The following REV3L variants were observed in gnomAD, a reference collection of about 807,000 sequenced individuals.
REV3L encodes the protein REV3 like, DNA directed polymerase zeta catalytic subunit.
REV3L carries 69 observed loss-of-function variants against 299.4 expected under a neutral mutation model. The ratio of observed to expected loss-of-function variants is 0.23; its 90% CI spans 0.19 to 0.28. REV3L has a LOEUF of 0.28. REV3L is among the 10% of genes least tolerant of loss of function. The probability of loss-of-function intolerance (pLI) is 1.00; values close to 1 mark genes in which losing one functional copy is unlikely to be tolerated. For missense variants in REV3L, 3,128 were observed against 3,693.8 expected (o/e 0.85, Z 3.97); for synonymous variants, 1,238 against 1,271.4 (o/e 0.97, Z 0.56).
intron 21 of REV3L, 110 bp from the exon 22 acceptor site, chr6:111,335,720 G>C: frequency 2.7e-6 from 3 of 1,106,624 alleles, no homozygotes; most frequent in Non-Finnish European, 3.8e-6. Flanking sequence ...GTTACTTAAG[G>C]AAAGAGTAAT....
chr6:111,452,259 C>T (rs1425069755), intron 1 of REV3L, among the ~76,000 whole-genome samples: 1 of 152,086 alleles, frequency 6.6e-6, no homozygotes, highest in African/African-American at 2.4e-5. Flanking sequence ...GTTGCTGGAG[C>T]TAATGCAAAA....
At chr6:111,483,321 G>A (rs1472417553), upstream of REV3L, 1 of 485,030 alleles carries the variant, frequency 2.1e-6, no homozygotes, top group Non-Finnish European at 3.6e-6. Context: ...GCGAGAGGGC[G>A]GGCGCCCGGG....
intron 1 of REV3L, among the ~76,000 whole-genome samples, chr6:111,451,255 T>C (rs1440859921): frequency 6.6e-6 from 1 of 152,196 alleles, no homozygotes; most frequent in Non-Finnish European, 1.5e-5. Flanking sequence ...TAGTCCAACA[T>C]ATTTCAAGTT....
intron 1 of REV3L, among the ~76,000 whole-genome samples, chr6:111,428,113 A>C (rs1562296487): frequency 6.6e-6 from 1 of 152,198 alleles, no homozygotes; most frequent in Non-Finnish European, 1.5e-5. Flanking sequence ...CAGATAGAGA[A>C]GACTAGAATA....
At chr6:111,304,360 T>C (rs1047869393) in intron 31 of REV3L, among the ~76,000 whole-genome samples, 1 of 149,244 alleles carries the variant, frequency 6.7e-6, no homozygotes, top group Non-Finnish European at 1.5e-5. Flanking sequence ...GTCTGACTTA[T>C]AATGTTTACA....
chr6:111,430,764 C>T (rs879165374), intron 1 of REV3L: 6 of 1,596,742 alleles, frequency 3.8e-6, no homozygotes, highest in Admixed American at 1.7e-5. Flanking sequence ...TTAGAGAGAG[C>T]GCAGGAGCAG....
chr6:111,355,649 A>C (rs767206435), intron 18 of REV3L, among the ~76,000 whole-genome samples: 1 of 152,152 alleles, frequency 6.6e-6, no homozygotes, highest in Admixed American at 6.5e-5. Context: ...TTGGCAGGTA[A>C]TCCTATCATT....
intron 1 of REV3L, among the ~76,000 whole-genome samples, chr6:111,466,044 T>C (rs1407364129): frequency 1.3e-5 from 2 of 152,228 alleles, no homozygotes; most frequent in Non-Finnish European, 2.9e-5. Context: ...ACTTAGCATT[T>C]AGAAACTCTT....
chr6:111,359,612 T>A (rs1296645380), intron 16 of REV3L, among the ~76,000 whole-genome samples: 2 of 151,280 alleles, frequency 1.3e-5, no homozygotes, highest in Non-Finnish European at 2.9e-5. Context: ...TAACATATAA[T>A]GCAAAAAAGT....
intron 1 of REV3L, among the ~76,000 whole-genome samples, chr6:111,465,925 G>C (rs1451051172): frequency 1.3e-5 from 2 of 152,048 alleles, no homozygotes; most frequent in East Asian, 3.9e-4. Flanking sequence ...TTTAAGAAAT[G>C]AATTAGTCTT....
intron 1 of REV3L, among the ~76,000 whole-genome samples, chr6:111,460,665 C>T (rs533969906): frequency 2.2e-4 from 33 of 147,928 alleles, no homozygotes; most frequent in Middle Eastern, 7.3e-3. Flanking sequence ...AGACAGAAAA[C>T]TTGGATCTAC....
chr6:111,435,489 C>G (rs971971910), intron 1 of REV3L, among the ~76,000 whole-genome samples: 1 of 152,074 alleles, frequency 6.6e-6, no homozygotes, highest in Non-Finnish European at 1.5e-5. Flanking sequence ...GAACAGAGAA[C>G]CTACATATAA....
At chr6:111,378,969 GAGC>G (rs1780569420) in intron 11 of REV3L, among the ~76,000 whole-genome samples, 1 of 152,144 alleles carries the variant, frequency 6.6e-6, no homozygotes, top group East Asian at 1.9e-4. Flanking sequence ...CCAATATAAA[GAGC>G]AGAATTAACT....
rs1318252110 is a variant in REV3L at position 111,375,086 on chromosome 6, G to T, written c.3269C>A (p.Pro1090Gln). The change falls in exon 13 of 32, where the codon CCA becomes CAA. Residue 1090 changes from proline (P) to glutamine (Q), a missense_variant. By Grantham distance (76) the Pro-to-Gln change is moderately conservative. Around this residue, in one of 9 missense-constraint regions of REV3L, gnomAD observed 2,409 missense variants for 2,611.8 expected, o/e 0.92. Transcript: ENST00000368802. ...ATCTTCGGTTTCAGCATTGTAAGATGGTGAGGGAGGAGAAAGAATAGCATG... is the reference window on the plus strand; with the variant it reads ...ATCTTCGGTTTCAGCATTGTAAGATTGTGAGGGAGGAGAAAGAATAGCATG... Reference protein sequence around the residue: ...RSHAILSPPSPSYNAETEDCD... With the variant: ...RSHAILSPPSQSYNAETEDCD... 1 of 1,613,802 alleles carries T rather than the reference G, an allele frequency of 6.2e-7. No homozygotes were observed. The highest frequency in any genetic ancestry group is 1.7e-5 in the Admixed American group (1 of 59,976).
rs1780228428 is a variant in REV3L, at chr6:111,375,654, C to T, written c.2701G>A (p.Asp901Asn). ...TDGFIDCHFG[D>N]GTLETEQSFG... The stretch of plus-strand genomic sequence containing the variant: ...GACTGCTCAGTTTCTAACGTTCCAT[C>T]TCCAAAGTGACAGTCTATAAAACCA... Residue 901 changes from aspartate to asparagine, a missense_variant, in exon 13 of 32, where the codon GAT becomes AAT. Asp to Asn is a conservative substitution (Grantham distance 23). This residue lies in a region of REV3L where 2,409 missense variants were observed against 2,611.8 expected (regional missense o/e 0.92). Coordinates refer to ENST00000368802, the MANE Select transcript of REV3L (RefSeq NM_001372078.1). 1 of 1,613,984 alleles carries T rather than the reference C, an allele frequency of 6.2e-7. No individual in the cohort carries two copies. Among genetic ancestry groups the T allele is most frequent in the Non-Finnish European group, 8.5e-7 (1 of 1,179,928 alleles).
At chr6:111,463,733 A>G (rs1320986094) in intron 1 of REV3L, among the ~76,000 whole-genome samples, 1 of 152,210 alleles carries the variant, frequency 6.6e-6, no homozygotes, top group East Asian at 1.9e-4. Flanking sequence ...TTATTATAAC[A>G]ATGAGAAAAA....
At chr6:111,455,471 G>A (rs1023714718) in intron 1 of REV3L, among the ~76,000 whole-genome samples, 9 of 152,090 alleles carry the variant, frequency 5.9e-5, no homozygotes, top group African/African-American at 1.2e-4. Context: ...GCAGGTGCTC[G>A]ATCATGAAAA....
At chr6:111,448,331 TC>T in intron 1 of REV3L, among the ~76,000 whole-genome samples, 1 of 152,088 alleles carries the variant, frequency 6.6e-6, no homozygotes. Context: ...TTGGAGGTTT[TC>T]TTTTTTTTCT....
At chr6:111,343,382 A>C (rs1776715991) in intron 21 of REV3L, among the ~76,000 whole-genome samples, 2 of 152,230 alleles carry the variant, frequency 1.3e-5, no homozygotes, top group South Asian at 4.1e-4. Context: ...TCCAATTAGT[A>C]ATTATCTAGA....
Sources: gnomAD v4.1 joint callset for allele counts (sites outside exome capture counted in the v4.1 genomes callset) on GRCh38, gnomAD v4.1.1 for gene constraint, gnomAD v4.1.1 regional missense constraint, MANE v1.5 for transcripts, NCBI Gene and HGNC (gene_info 2026-07-23, HGNC 2026-07-21) for gene names.